CHD7: variants seen among roughly 807,000 people sequenced by gnomAD.
CHD7 encodes ATP-dependent chromatin remodeler CHD7.
A neutral mutation model predicts 307.3 loss-of-function variants in CHD7; 24 were observed. The ratio of observed to expected loss-of-function variants is 0.08; its 90% CI spans 0.06 to 0.11. The LOEUF is 0.11. Ranked by LOEUF, CHD7 falls within the 10% of genes least tolerant of loss-of-function variation. CHD7 has a pLI of 1.00. For missense variants in CHD7, 3,106 were observed against 3,727.1 expected (o/e 0.83, Z 4.34); for synonymous variants, 1,363 against 1,349.9 (o/e 1.01, Z -0.21).
intron 1 of CHD7, among the ~76,000 whole-genome samples, chr8:60,713,300 A>T (rs2150527623): frequency 6.6e-6 from 1 of 151,982 alleles, no homozygotes; most frequent in Non-Finnish European, 1.5e-5. Context: ...TTTAGTAGAG[A>T]CGGGGTTTCG....
intron 17 of CHD7, 140 bp downstream of exon 17, chr8:60,837,152 T>A: frequency 4.7e-6 from 3 of 644,040 alleles, no homozygotes; most frequent in Non-Finnish European, 5.1e-6. Flanking sequence ...AATAACCAAC[T>A]AGTAATCTGT....
At chr8:60,695,492 T>C (rs1309627961) in intron 1 of CHD7, among the ~76,000 whole-genome samples, 2 of 152,214 alleles carry the variant, frequency 1.3e-5, no homozygotes, top group Non-Finnish European at 2.9e-5. Flanking sequence ...TACTAGAAAT[T>C]GAAGTTTATC....
intron 2 of CHD7, among the ~76,000 whole-genome samples, chr8:60,761,589 C>T (rs538239882): frequency 8.0e-5 from 12 of 150,718 alleles, no homozygotes; most frequent in South Asian, 4.2e-4. Flanking sequence ...ATGTTTGGTG[C>T]GAATAGAGTG....
intron 3 of CHD7, among the ~76,000 whole-genome samples, chr8:60,782,419 A>G (rs1188182898): frequency 6.6e-6 from 1 of 152,222 alleles, no homozygotes; most frequent in African/African-American, 2.4e-5. Context: ...GTGGCTAGAA[A>G]GATGTTGCCT....
intron 1 of CHD7, among the ~76,000 whole-genome samples, chr8:60,718,425 A>G (rs1807723411): frequency 6.6e-6 from 1 of 152,142 alleles, no homozygotes; most frequent in Admixed American, 6.5e-5. Flanking sequence ...CAGTGAGCCA[A>G]GATTGTGCCA....
intron 15 of CHD7, among the ~76,000 whole-genome samples, chr8:60,830,899 G>A (rs369370854): frequency 6.6e-6 from 1 of 152,174 alleles, no homozygotes. Flanking sequence ...GCCCCTAATG[G>A]AGGTTTTCTT....
chr8:60,729,765 C>T (rs1028348217), intron 1 of CHD7, among the ~76,000 whole-genome samples: 3 of 152,184 alleles, frequency 2.0e-5, no homozygotes, highest in African/African-American at 7.2e-5. Flanking sequence ...AGTAGCTTGT[C>T]TTCTCACTGC....
chr8:60,717,844 AT>A (rs1216716726), intron 1 of CHD7, among the ~76,000 whole-genome samples: 1 of 152,236 alleles, frequency 6.6e-6, no homozygotes, highest in Non-Finnish European at 1.5e-5. Context: ...AAAGTACACC[AT>A]GTAAAATTAT....
chr8:60,796,469 A>G (rs376049240), intron 4 of CHD7, among the ~76,000 whole-genome samples: 4 of 152,208 alleles, frequency 2.6e-5, no homozygotes, highest in Admixed American at 6.5e-5. Flanking sequence ...CTTTATGTCA[A>G]TAGTATTTGG....
intron 7 of CHD7, among the ~76,000 whole-genome samples, chr8:60,812,141 T>C (rs1317723167): frequency 6.6e-6 from 1 of 152,198 alleles, no homozygotes; most frequent in Non-Finnish European, 1.5e-5. Flanking sequence ...TTAAAATTTT[T>C]TGTACGGTCA....
At chr8:60,695,234 G>GC (rs1225771513) in intron 1 of CHD7, among the ~76,000 whole-genome samples, 1 of 152,132 alleles carries the variant, frequency 6.6e-6, no homozygotes, top group African/African-American at 2.4e-5. Flanking sequence ...TAGAAATAAA[G>GC]CTACTCCATT....
At chr8:60,720,127 G>A (rs906535229) in intron 1 of CHD7, among the ~76,000 whole-genome samples, 4 of 152,082 alleles carry the variant, frequency 2.6e-5, no homozygotes, top group Non-Finnish European at 4.4e-5. Flanking sequence ...AACACACAGA[G>A]CTCTGATTTT....
At position 60,742,604 on chromosome 8, in the gene CHD7, C is replaced by T. The variant is rs191435594; in HGVS notation, c.1172C>T (p.Ala391Val). ...CCTTCACAGCCTCAGGGAACTTATG[C>T]CTCTCCACCTCCCATGTCACCCATG... ...MHPSQPQGTY[A>V]SPPPMSPMKA... The change falls in exon 2 of 38, where the codon GCC becomes GTC. Residue 391 changes from alanine (A) to valine (V), a missense_variant. Coordinates refer to ENST00000423902, the MANE Select transcript of CHD7 (RefSeq NM_017780.4). 4 of 1,613,324 alleles carry T rather than the reference C, an allele frequency of 2.5e-6. No homozygotes were observed. The highest frequency in any genetic ancestry group is 8.5e-7 in the Non-Finnish European group (1 of 1,179,482).
In CHD7 at chr8:60,849,140, G is replaced by C. The variant is rs780597592; in HGVS notation, c.5390G>C (p.Gly1797Ala). 15 of 1,611,290 alleles carry C rather than the reference G, an allele frequency of 9.3e-6. No individual in the cohort carries two copies. The highest frequency in any genetic ancestry group is 1.3e-5 in the African/African-American group (1 of 74,846). ...DKEADKSLLIGVFKHGYEKYN... is the reference protein window; with the variant it reads ...DKEADKSLLIAVFKHGYEKYN... ...GAAGCAGACAAATCCCTCTTAATTG[G>C]AGTGTTCAAACATGGTAAGTGACGT... The change falls in exon 25 of 38, where the codon GGA becomes GCA. Residue 1797 changes from glycine (G) to alanine (A), a missense_variant. This residue lies in a region of CHD7 where 1,030 missense variants were observed against 1,165.4 expected (regional missense o/e 0.88). Transcript: ENST00000423902.
At chr8:60,704,809 A>G (rs927731375) in intron 1 of CHD7, among the ~76,000 whole-genome samples, 1 of 152,172 alleles carries the variant, frequency 6.6e-6, no homozygotes, top group Admixed American at 6.5e-5. Flanking sequence ...CCCCTAACCC[A>G]TATGGTGCCT....
At position 60,742,168 on chromosome 8, in the gene CHD7, G is replaced by A. The variant is rs375325395; in HGVS notation, c.736G>A (p.Ala246Thr). 3 of 1,613,888 alleles carry A rather than the reference G, an allele frequency of 1.9e-6. No homozygotes were observed. The South Asian group carries it at 3.3e-5, about 18-fold the overall frequency. Residue 246 changes from alanine to threonine, a missense_variant, in exon 2 of 38, where the codon GCA becomes ACA. Transcript: ENST00000423902. Reference protein sequence around the residue: ...SHVPQQSPSMAPSLRHSVQQF... With the variant: ...SHVPQQSPSMTPSLRHSVQQF... Reference sequence around the variant, plus strand: ...CGTGCCCCAGCAGAGTCCCAGCATGGCACCTTCCTTGCGTCACTCGGTGCA... The same window carrying A: ...CGTGCCCCAGCAGAGTCCCAGCATGACACCTTCCTTGCGTCACTCGGTGCA...
At chr8:60,745,478 G>A (rs924673202) in intron 2 of CHD7, among the ~76,000 whole-genome samples, 4 of 150,728 alleles carry the variant, frequency 2.7e-5, no homozygotes, top group Non-Finnish European at 4.4e-5. Context: ...TGCTGTGTCC[G>A]GTGCTAGACT....
intron 2 of CHD7, among the ~76,000 whole-genome samples, chr8:60,753,620 T>C (rs1809746638): frequency 6.6e-6 from 1 of 151,790 alleles, no homozygotes; most frequent in African/African-American, 2.4e-5. Flanking sequence ...TTTTGTTTTC[T>C]TTTGTTTTGT....
At chr8:60,691,107 G>T (rs1418521847) in intron 1 of CHD7, among the ~76,000 whole-genome samples, 1 of 152,084 alleles carries the variant, frequency 6.6e-6, no homozygotes, top group Admixed American at 6.6e-5. Flanking sequence ...TATATTTTTA[G>T]TAGAGATGGG....
Sources: allele counts gnomAD v4.1 joint callset (sites outside exome capture counted in the v4.1 genomes callset), GRCh38; gene constraint gnomAD v4.1.1; regional missense constraint gnomAD v4.1.1; transcripts MANE v1.5; gene names NCBI Gene and HGNC (gene_info 2026-07-23, HGNC 2026-07-21).